RRP7A: variants seen among roughly 807,000 people sequenced by gnomAD.
RRP7A encodes the protein ribosomal RNA processing 7 homolog A, also known as ribosomal RNA-processing protein 7 homolog A.
RRP7A carries 27 observed loss-of-function variants against 38.4 expected under a neutral mutation model. That is an observed-to-expected ratio of 0.70 (90% CI 0.52 to 0.97). The LOEUF is 0.97. Among genes scored for constraint, RRP7A ranks in the 50% least tolerant of loss-of-function variants. The pLI is 0.00. For missense variants in RRP7A, 327 were observed against 375.4 expected (o/e 0.87, Z 1.07); for synonymous variants, 124 against 150.3 (o/e 0.83, Z 1.28).
intron 2 of RRP7A, among the ~76,000 whole-genome samples, chr22:42,516,779 G>C (rs1037930473): frequency 4.6e-4 from 70 of 152,184 alleles, no homozygotes; most frequent in African/African-American, 1.6e-3. Context: ...GTGCTGCTGT[G>C]TCTCCACCTG....
chr22:42,509,210 T>C lies in RRP7A; in HGVS notation c.*3700A>G. 6.4e-7 allele frequency: 1 copy of C among 1,569,240 alleles called. No individual in the cohort carries two copies. Among genetic ancestry groups the C allele is most frequent in the Non-Finnish European group, 8.6e-7 (1 of 1,156,634 alleles). On this transcript the variant is annotated 3_prime_UTR_variant, in exon 7 of 7. Coordinates refer to ENST00000323013, the MANE Select transcript of RRP7A (RefSeq NM_015703.5). ...GGCATGAGGCTCCAAGTTCTCTGCG[T>C]GTCGACCACATCGCTAAGACTCAAG...
rs371353354 is a variant in RRP7A, at chr22:42,517,129, T to C, written c.216+876A>G. On this transcript the variant is annotated intron_variant, in intron 2 of 6. Coordinates refer to ENST00000323013, the MANE Select transcript of RRP7A (RefSeq NM_015703.5). ...CTTGTCTATACTAACAATACAAAAA[T>C]GAGCCGGGCATGGTGGTGGGCGCCT... Among the ~76,000 whole-genome samples, 246 of 151,634 alleles carry C rather than the reference T, an allele frequency of 1.6e-3. 1 individual carries two copies. Among genetic ancestry groups the C allele is most frequent in the Middle Eastern group, 6.8e-3 (2 of 294 alleles).
Position 42,513,176 on chromosome 22 carries a change from G to C in RRP7A, c.758-181C>G, listed in dbSNP as rs534367127. 2.0e-4 allele frequency among the ~76,000 whole-genome samples: 29 copies of C among 145,818 alleles called. 2 individuals are homozygous for C. Among genetic ancestry groups the C allele is most frequent in the African/African-American group, 7.3e-4 (29 of 39,948 alleles). On this transcript the variant is annotated intron_variant, in intron 6 of 6. Coordinates refer to ENST00000323013, the MANE Select transcript of RRP7A (RefSeq NM_015703.5). ...CTGGATCTTGTCAGGAAACAGAACC[G>C]ACGGCAGGCCGAGTCCAAGGGCAAG...
Position 42,519,750 on chromosome 22 carries a change from G to C in RRP7A, c.37C>G (p.Pro13Ala). 6.9e-7 allele frequency: 1 copy of C among 1,455,144 alleles called. No individual in the cohort carries two copies. 90.1% of individuals were successfully genotyped at this position (1,455,144 alleles called of 1,614,324 possible). The stretch of plus-strand genomic sequence containing the variant: ...AGTGGGCTGGGGATACGGTCCTCCG[G>C]GTCCCGCGCGGCGCACTTCCTCCTG... ...ARRRKCAARD[P>A]EDRIPSPLGY... The change falls in exon 1 of 7, where the codon CCG becomes GCG. Residue 13 changes from proline (P) to alanine (A), a missense_variant. Pro to Ala is a conservative substitution (Grantham distance 27, BLOSUM62 -1). Transcript: ENST00000323013.
chr22:42,510,671 GACA>G lies in RRP7A; in HGVS notation c.*2236_*2238del, dbSNP rs1932429483. The G allele has an allele frequency of 1.4e-6, 2 of 1,423,432 alleles. No individual in the cohort carries two copies. The highest frequency in any genetic ancestry group is 1.8e-5 in the Admixed American group (1 of 55,546). 88.2% of individuals were successfully genotyped at this position (1,423,432 alleles called of 1,614,324 possible). On this transcript the variant is annotated 3_prime_UTR_variant, in exon 7 of 7. Coordinates refer to ENST00000323013, the MANE Select transcript of RRP7A (RefSeq NM_015703.5). ...TTTTGATCCAAGAGAGAATTACTCTGACAAGGAGTCCCTGTCGTTCATGATAGA... is the reference window on the plus strand; with the variant it reads ...TTTTGATCCAAGAGAGAATTACTCTGAGGAGTCCCTGTCGTTCATGATAGA...
Position 42,514,212 on chromosome 22 carries a change from C to G in RRP7A, c.651G>C (p.Arg217=), listed in dbSNP as rs5758777. 1 of 1,610,922 alleles carries G rather than the reference C, an allele frequency of 6.2e-7. No individual in the cohort carries two copies. The highest frequency in any genetic ancestry group is 8.5e-7 in the Non-Finnish European group (1 of 1,179,256). ...GCACCCGCAAGCTGGCTGCCTCAGTCCGGGGGAGCACAGGCCGCCGGCCCC... is the reference window on the plus strand; with the variant it reads ...GCACCCGCAAGCTGGCTGCCTCAGTGCGGGGGAGCACAGGCCGCCGGCCCC... ...TRRGRRPVLP[R]TEAASLRVLE... is the part of the protein sequence containing the mutation. Residue 217 remains arginine, a synonymous_variant, in exon 6 of 7, where the codon CGG becomes CGC. Coordinates refer to ENST00000323013, the MANE Select transcript of RRP7A (RefSeq NM_015703.5).
rs1265703599 is a variant in RRP7A, at chr22:42,512,340, C to T, written c.*570G>A. 1 of 1,017,038 alleles carries T rather than the reference C, an allele frequency of 9.8e-7. No individual in the cohort carries two copies. The highest frequency in any genetic ancestry group is 1.6e-5 in the African/African-American group (1 of 63,278). 63.0% of individuals were successfully genotyped at this position (1,017,038 alleles called of 1,614,324 possible). On this transcript the variant is annotated 3_prime_UTR_variant, in exon 7 of 7. Coordinates refer to ENST00000323013, the MANE Select transcript of RRP7A (RefSeq NM_015703.5). Reference sequence around the variant, plus strand: ...GGCCAGGGATGGTGGGGACAGGCCTCACTAGTCTTGAGGCCCAGCCTAGGA... The same window carrying T: ...GGCCAGGGATGGTGGGGACAGGCCTTACTAGTCTTGAGGCCCAGCCTAGGA...
intron 2 of RRP7A, among the ~76,000 whole-genome samples, chr22:42,517,379 T>A (rs1339899804): frequency 6.6e-6 from 1 of 151,330 alleles, no homozygotes; most frequent in Non-Finnish European, 1.5e-5. Flanking sequence ...AACAGTTGTG[T>A]TTGGATAGAA....
At chr22:42,515,972 C>A in intron 3 of RRP7A, 39 bp downstream of exon 3, 2 of 1,557,122 alleles carry the variant, frequency 1.3e-6, no homozygotes, top group South Asian at 1.2e-5. Flanking sequence ...AGTGCCCCAC[C>A]CCCCTCACTC....
At position 42,512,826 on chromosome 22, in the gene RRP7A, C is replaced by A. The variant is rs3207559; in HGVS notation, c.*84G>T. 6 of 1,415,394 alleles carry A rather than the reference C, an allele frequency of 4.2e-6. No homozygotes were observed. Among genetic ancestry groups the A allele is most frequent in the Admixed American group, 1.9e-5 (1 of 52,600 alleles). The allele number at this position is 1,415,394 out of a possible 1,614,324, so 87.7% of individuals were successfully genotyped here. A position where few individuals can be genotyped will look rare whatever the true frequency, so the allele number is the denominator to read the frequency against. Reference sequence around the variant, plus strand: ...TCAACCTGGGGCCCGTTGGCCAGAGCTCGGCCTCTCAGAGACCGCTGCAGG... The same window carrying A: ...TCAACCTGGGGCCCGTTGGCCAGAGATCGGCCTCTCAGAGACCGCTGCAGG... On this transcript the variant is annotated 3_prime_UTR_variant, in exon 7 of 7. Transcript: ENST00000323013.
rs1456110284 is a variant in RRP7A at position 42,519,638 on chromosome 22, C to A, written c.73+76G>T. ...AACCGTGCGGCCGCTCCTGGGGACC[C>A]CCGGCCGTCGCCAACCCCCAAACAC... On this transcript the variant is annotated intron_variant, in intron 1 of 6. Coordinates refer to ENST00000323013, the MANE Select transcript of RRP7A (RefSeq NM_015703.5). 9 of 1,262,998 alleles carry A rather than the reference C, an allele frequency of 7.1e-6. No individual in the cohort carries two copies. In the East Asian group the frequency reaches 1.9e-4, roughly 26 times the overall value. The allele number at this position is 1,262,998 out of a possible 1,614,324, so 78.2% of individuals were successfully genotyped here.
Position 42,513,041 on chromosome 22 carries a change from G to T in RRP7A, c.758-46C>A, listed in dbSNP as rs751032407. 4 of 1,534,324 alleles carry T rather than the reference G, an allele frequency of 2.6e-6. No homozygotes were observed. The African/African-American group carries it at 4.1e-5, about 16-fold the overall frequency. ...GGGGCAGGGTCAGACAGCGCGCCCC[G>T]GGGAAGCTGGCTTGCTCATGCCCCA... On this transcript the variant is annotated intron_variant, in intron 6 of 6. Transcript: ENST00000323013.
chr22:42,518,556 G>T (rs1469773166), intron 1 of RRP7A: 8 of 449,298 alleles, frequency 1.8e-5, no homozygotes, highest in Non-Finnish European at 3.3e-5. Context: ...GGTACACCAG[G>T]GCCTCACACA....
At position 42,514,091 on chromosome 22, in the gene RRP7A, C is replaced by T; in HGVS notation, c.757+15G>A. ...CAAGGCCGAGGGGTCTGAGGATGGA[C>T]TGGGGGTGGCTTACGCTCCATCTTG... On this transcript the variant is annotated intron_variant, in intron 6 of 6. Coordinates refer to ENST00000323013, the MANE Select transcript of RRP7A (RefSeq NM_015703.5). 1 of 1,609,196 alleles carries T rather than the reference C, an allele frequency of 6.2e-7. No individual in the cohort carries two copies. Among genetic ancestry groups the T allele is most frequent in the Non-Finnish European group, 8.5e-7 (1 of 1,178,270 alleles).
Position 42,515,436 on chromosome 22 carries a change from G to A in RRP7A, c.343-168C>T, listed in dbSNP as rs569116532. ...CATCCCATAATCCAGGTCAGAGGCA[G>A]CCACACTTCCAGTAATCCTGCTTCT... On this transcript the variant is annotated intron_variant, in intron 3 of 6. Coordinates refer to ENST00000323013, the MANE Select transcript of RRP7A (RefSeq NM_015703.5). Among the ~76,000 whole-genome samples the A allele has an allele frequency of 2.0e-5, 3 of 152,370 alleles. No individual in the cohort carries two copies. The East Asian group carries it at 5.8e-4, about 29-fold the overall frequency.
intron 3 of RRP7A, 133 bp downstream of exon 3, chr22:42,515,878 C>CT: frequency 8.3e-7 from 1 of 1,201,182 alleles, no homozygotes; most frequent in South Asian, 1.5e-5. Flanking sequence ...CAGACAGTCT[C>CT]TTACACCACA....
At chr22:42,517,634 C>G (rs1360429365) in intron 2 of RRP7A, among the ~76,000 whole-genome samples, 1 of 152,100 alleles carries the variant, frequency 6.6e-6, no homozygotes. Flanking sequence ...ATTCTCATGC[C>G]TCAGCTTCCC....
At chr22:42,518,608 C>G (rs1569261858) in intron 1 of RRP7A, 2 of 467,780 alleles carry the variant, frequency 4.3e-6, no homozygotes, top group Non-Finnish European at 4.5e-6. Context: ...TTCCCTCCCG[C>G]TCACCTCAGG....
Position 42,510,946 on chromosome 22 carries a change from TC to T in RRP7A, c.*1963del. Reference sequence around the variant, plus strand: ...AAACAGAGACCTTTGGTGGGGAGGTTCTTTACCATCCTCAAGTACCCACCCC... The same window carrying T: ...AAACAGAGACCTTTGGTGGGGAGGTTTTTACCATCCTCAAGTACCCACCCC... On this transcript the variant is annotated 3_prime_UTR_variant, in exon 7 of 7. Transcript: ENST00000323013. 3.0e-6 allele frequency: 1 copy of T among 337,830 alleles called. No homozygotes were observed. The highest frequency in any genetic ancestry group is 4.5e-6 in the Non-Finnish European group (1 of 223,438). 20.9% of individuals were successfully genotyped at this position (337,830 alleles called of 1,614,324 possible).
Sources: allele counts gnomAD v4.1 joint callset (sites outside exome capture counted in the v4.1 genomes callset), GRCh38; gene constraint gnomAD v4.1.1; transcripts MANE v1.5; gene names NCBI Gene and HGNC (gene_info 2026-07-23, HGNC 2026-07-21).